COG5: variants seen among roughly 807,000 people sequenced by gnomAD.
The protein encoded by COG5 is component of oligomeric golgi complex 5.
In COG5, 86 loss-of-function variants were observed where a neutral mutation model predicts 110.4. The ratio of observed to expected loss-of-function variants is 0.78; its 90% CI spans 0.65 to 0.93. The LOEUF is 0.93. Ranked by LOEUF, COG5 falls within the 40% of genes least tolerant of loss-of-function variation. COG5 has a pLI of 0.00. For synonymous variants in COG5, 360 were observed against 334.6 expected, an observed-to-expected ratio of 1.08 and a Z score of -0.83; for missense variants, 1,077 against 987.0, an observed-to-expected ratio of 1.09 and a Z score of -1.22.
At chr7:107,448,830 C>A (rs1795162204) in intron 6 of COG5, among the ~76,000 whole-genome samples, 1 of 151,662 alleles carries the variant, frequency 6.6e-6, no homozygotes, top group African/African-American at 2.4e-5. Context: ...TGCAGATGAA[C>A]CACACAGCCT....
intron 11 of COG5, among the ~76,000 whole-genome samples, chr7:107,298,870 C>T (rs2116920350): frequency 6.6e-6 from 1 of 152,142 alleles, no homozygotes; most frequent in Admixed American, 6.5e-5. Flanking sequence ...GATTAGAAAT[C>T]AGTAACAAAA....
intron 14 of COG5, among the ~76,000 whole-genome samples, chr7:107,262,854 T>C (rs1395263074): frequency 4.2e-4 from 64 of 152,212 alleles, no homozygotes; most frequent in Admixed American, 4.1e-3. Context: ...CTTCAATTTC[T>C]TAATCTGTAA....
intron 14 of COG5, among the ~76,000 whole-genome samples, chr7:107,266,322 T>C (rs1204037154): frequency 2.6e-5 from 4 of 152,216 alleles, no homozygotes; most frequent in South Asian, 2.1e-4. Context: ...GCGTATGCCA[T>C]ACTTTTCTGG....
chr7:107,414,222 T>C lies in COG5; in HGVS notation c.539-1590A>G, dbSNP rs189666868. ...ATATATAATGCCAAATTTTGAAATA[T>C]GGCAGCATTACTCACATCTTGACAA... On this transcript the variant is annotated intron_variant, in intron 6 of 21. Coordinates refer to ENST00000297135, the MANE Select transcript of COG5 (RefSeq NM_006348.5). Among the ~76,000 whole-genome samples, 102 of 152,354 alleles carry C rather than the reference T, an allele frequency of 6.7e-4. 1 individual carries two copies. Among genetic ancestry groups the C allele is most frequent in the African/African-American group, 8.2e-4 (34 of 41,590 alleles).
At chr7:107,255,192 GAAT>G (rs2116603110) in intron 16 of COG5, among the ~76,000 whole-genome samples, 1 of 152,248 alleles carries the variant, frequency 6.6e-6, no homozygotes, top group East Asian at 1.9e-4. Flanking sequence ...CTGGAACCAA[GAAT>G]GTTAAGACTT....
At chr7:107,487,824 TTA>T (rs1382148202) in intron 6 of COG5, among the ~76,000 whole-genome samples, 8 of 152,132 alleles carry the variant, frequency 5.3e-5, no homozygotes, top group Non-Finnish European at 1.2e-4. Context: ...TGACATAGAT[TTA>T]TGTTTATTAA....
chr7:107,395,855 A>G (rs534994584), intron 7 of COG5, among the ~76,000 whole-genome samples: 5 of 152,200 alleles, frequency 3.3e-5, no homozygotes, highest in South Asian at 2.1e-4. Context: ...GCGCCCAGAC[A>G]AAGCAGATAA....
At chr7:107,539,035 T>C (rs1331176510) in intron 5 of COG5, among the ~76,000 whole-genome samples, 1 of 152,108 alleles carries the variant, frequency 6.6e-6, no homozygotes, top group Non-Finnish European at 1.5e-5. Flanking sequence ...CCCAGCACTT[T>C]GGGAGGCTGA....
At chr7:107,471,267 T>G (rs1055594792) in intron 6 of COG5, 1 of 152,120 alleles carries the variant, frequency 6.6e-6, no homozygotes, top group Non-Finnish European at 1.5e-5. Flanking sequence ...TTGGTTATTT[T>G]GATAACAAAT....
At chr7:107,383,652 G>A (rs1183512668) in intron 7 of COG5, among the ~76,000 whole-genome samples, 3 of 152,068 alleles carry the variant, frequency 2.0e-5, no homozygotes, top group Non-Finnish European at 2.9e-5. Flanking sequence ...TCTCCCTCAC[G>A]TACCCCAGGT....
At chr7:107,240,024 C>T (rs550780939) in intron 17 of COG5, among the ~76,000 whole-genome samples, 2 of 152,284 alleles carry the variant, frequency 1.3e-5, no homozygotes, top group East Asian at 1.9e-4. Context: ...TCTTTCACTG[C>T]CTTCCCTTCC....
At chr7:107,498,250 C>T (rs1798405086) in intron 6 of COG5, among the ~76,000 whole-genome samples, 1 of 152,136 alleles carries the variant, frequency 6.6e-6, no homozygotes, top group South Asian at 2.1e-4. Context: ...TGACCAAAAA[C>T]ACAGACAACA....
intron 5 of COG5, among the ~76,000 whole-genome samples, chr7:107,540,179 A>G (rs1270056701): frequency 6.6e-6 from 1 of 152,208 alleles, no homozygotes; most frequent in East Asian, 1.9e-4. Flanking sequence ...AGCACAGGAA[A>G]AGAAACACTG....
rs576775887 is a variant in COG5 at position 107,522,535 on chromosome 7, T to C, written c.538+4702A>G. Among the ~76,000 whole-genome samples, 282 of 152,216 alleles carry C rather than the reference T, an allele frequency of 1.9e-3. 2 individuals carry two copies. The highest frequency in any genetic ancestry group is 6.6e-3 in the African/African-American group (273 of 41,528). Reference sequence around the variant, plus strand: ...AGATGCAGCAAACCACCATGGCGCATGTATAACTATGTAACAAACCTGCAT... The same window carrying C: ...AGATGCAGCAAACCACCATGGCGCACGTATAACTATGTAACAAACCTGCAT... On this transcript the variant is annotated intron_variant, in intron 6 of 21. Coordinates refer to ENST00000297135, the MANE Select transcript of COG5 (RefSeq NM_006348.5).
At chr7:107,495,544 A>C (rs1024552397) in intron 6 of COG5, among the ~76,000 whole-genome samples, 3 of 152,196 alleles carry the variant, frequency 2.0e-5, no homozygotes, top group African/African-American at 7.2e-5. Flanking sequence ...TTTATTTCAC[A>C]TGCAAATAAA....
chr7:107,377,132 T>C (rs1161025297), intron 7 of COG5, among the ~76,000 whole-genome samples: 2 of 152,192 alleles, frequency 1.3e-5, no homozygotes, highest in Non-Finnish European at 2.9e-5. Context: ...GGATACAGTT[T>C]ACATAACACT....
At chr7:107,380,021 T>C (rs1287786671) in intron 7 of COG5, among the ~76,000 whole-genome samples, 1 of 152,138 alleles carries the variant, frequency 6.6e-6, no homozygotes, top group African/African-American at 2.4e-5. Context: ...ACCACATAAT[T>C]GGAAGTAAAA....
intron 17 of COG5, among the ~76,000 whole-genome samples, chr7:107,245,667 G>T (rs1291289659): frequency 6.6e-6 from 1 of 152,126 alleles, no homozygotes; most frequent in Non-Finnish European, 1.5e-5. Flanking sequence ...GGAGGTAAAA[G>T]ATCTCTACAA....
chr7:107,475,467 T>C (rs1383840808), intron 6 of COG5: 4 of 591,822 alleles, frequency 6.8e-6, no homozygotes, highest in African/African-American at 1.9e-5. Context: ...TAAGTATTGG[T>C]TATGTTGTAA....
Sources: allele counts gnomAD v4.1 joint callset (sites outside exome capture counted in the v4.1 genomes callset), GRCh38; gene constraint gnomAD v4.1.1; transcripts MANE v1.5; gene names NCBI Gene and HGNC (gene_info 2026-07-23, HGNC 2026-07-21).